MYO16: variants seen among roughly 807,000 people sequenced by gnomAD.
MYO16 encodes myosin XVI.
Under a neutral mutation model 205.3 loss-of-function variants are expected in MYO16, and 94 were observed. The observed-to-expected ratio is 0.46, with a 90% CI of 0.39 to 0.54. The LOEUF is 0.54. Among genes scored for constraint, MYO16 ranks in the 20% least tolerant of loss-of-function variants. The pLI is 0.00. For missense variants in MYO16, 2,315 were observed against 2,387.5 expected (o/e 0.97, Z 0.63); for synonymous variants, 988 against 954.0 (o/e 1.04, Z -0.66).
intron 32 of MYO16, among the ~76,000 whole-genome samples, chr13:109,156,909 C>G (rs1299808823): frequency 1.3e-5 from 2 of 152,208 alleles, no homozygotes; most frequent in Admixed American, 6.5e-5. Flanking sequence ...TTAAGTCTCT[C>G]CTAGCTGTTT....
At chr13:108,673,534 C>T (rs189789499) in intron 2 of MYO16, among the ~76,000 whole-genome samples, 243 of 152,156 alleles carry the variant, frequency 1.6e-3, no homozygotes, top group Non-Finnish European at 2.9e-3. Context: ...TCTAAGTAAT[C>T]TATTAGGAAA....
At chr13:108,633,917 C>T (rs1880102393) in intron 1 of MYO16, among the ~76,000 whole-genome samples, 1 of 152,178 alleles carries the variant, frequency 6.6e-6, no homozygotes, top group Non-Finnish European at 1.5e-5. Context: ...ATCCTGCTCT[C>T]CGCCTGGTCC....
chr13:108,951,112 G>A (rs190468219), intron 16 of MYO16, among the ~76,000 whole-genome samples: 2 of 151,830 alleles, frequency 1.3e-5, no homozygotes, highest in East Asian at 1.9e-4. Flanking sequence ...ATGATTACGC[G>A]TAATACTTTT....
chr13:108,871,356 G>GTC (rs1555307589), intron 12 of MYO16, among the ~76,000 whole-genome samples: 47 of 127,756 alleles, frequency 3.7e-4, no homozygotes, highest in African/African-American at 1.2e-3. Context: ...GTGTGTGTGT[G>GTC]TGTGTGTCTG....
At chr13:109,092,453 C>T (rs764511914) in intron 27 of MYO16, among the ~76,000 whole-genome samples, 4 of 152,108 alleles carry the variant, frequency 2.6e-5, no homozygotes, top group Admixed American at 6.6e-5. Context: ...AGCTGGAAGC[C>T]GTTATCCTTA....
chr13:108,823,800 T>A (rs1185780617), intron 9 of MYO16, among the ~76,000 whole-genome samples: 1 of 152,102 alleles, frequency 6.6e-6, no homozygotes, highest in Admixed American at 6.6e-5. Context: ...TACATTCAAA[T>A]TCATGTTAAA....
the MYO16 span, among the ~76,000 whole-genome samples, chr13:108,589,338 T>G: frequency 6.6e-6 from 1 of 152,200 alleles, no homozygotes; most frequent in Non-Finnish European, 1.5e-5. Context: ...ATATTACAAT[T>G]TAACTTCTCA....
At chr13:108,547,799 A>G in the MYO16 span, among the ~76,000 whole-genome samples, 1 of 152,194 alleles carries the variant, frequency 6.6e-6, no homozygotes, top group Non-Finnish European at 1.5e-5. Context: ...ATAGTATGTA[A>G]ATAAAGAAAA....
chr13:108,573,102 T>A, the MYO16 span, among the ~76,000 whole-genome samples: 1 of 152,256 alleles, frequency 6.6e-6, no homozygotes, highest in South Asian at 2.1e-4. Flanking sequence ...ATGCTTTTTG[T>A]CCCACCCACA....
At chr13:108,557,398 A>T in the MYO16 span, among the ~76,000 whole-genome samples, 2 of 152,204 alleles carry the variant, frequency 1.3e-5, no homozygotes, top group Non-Finnish European at 2.9e-5. Flanking sequence ...TAATACATTT[A>T]ACAGGGCATC....
At chr13:109,196,860 A>G (rs1057170684) in intron 34 of MYO16, among the ~76,000 whole-genome samples, 3 of 152,190 alleles carry the variant, frequency 2.0e-5, no homozygotes, top group African/African-American at 7.2e-5. Flanking sequence ...CTTTAAAAAT[A>G]AAAATTACAG....
At chr13:108,500,725 G>C in the MYO16 span, among the ~76,000 whole-genome samples, 1 of 152,144 alleles carries the variant, frequency 6.6e-6, no homozygotes, top group Non-Finnish European at 1.5e-5. Context: ...TAAGGGACCA[G>C]GCCCTAATTC....
At chr13:108,796,854 A>T (rs554323769) in intron 6 of MYO16, among the ~76,000 whole-genome samples, 1 of 151,692 alleles carries the variant, frequency 6.6e-6, no homozygotes, top group African/African-American at 2.4e-5. Flanking sequence ...CCAACATGGC[A>T]CATGTATATA....
chr13:108,902,842 G>T (rs1880775203), intron 15 of MYO16, among the ~76,000 whole-genome samples: 1 of 152,160 alleles, frequency 6.6e-6, no homozygotes, highest in Admixed American at 6.5e-5. Context: ...TGCTTTCTAT[G>T]GTTTCAGTTA....
At chr13:108,909,268 G>C (rs994397482) in intron 15 of MYO16, among the ~76,000 whole-genome samples, 1 of 145,504 alleles carries the variant, frequency 6.9e-6, no homozygotes, top group Non-Finnish European at 1.5e-5. Context: ...TTTATGCATT[G>C]GGTTATATTT....
chr13:108,858,105 G>C (rs1392912375), intron 11 of MYO16, among the ~76,000 whole-genome samples: 1 of 152,166 alleles, frequency 6.6e-6, no homozygotes, highest in Non-Finnish European at 1.5e-5. Context: ...CCAATGTGTT[G>C]TCTGTGGACT....
rs370351133 is a variant in MYO16 at position 108,920,792 on chromosome 13, G to A, written c.1925+10642G>A. ...CTGTCTCTTTAACATTGTTTATTCC[G>A]TATAAATAAGAGATATTTATTTTCG... On this transcript the variant is annotated intron_variant, in intron 16 of 34. Coordinates refer to ENST00000457511, the MANE Select transcript of MYO16 (RefSeq NM_001198950.3). Among the ~76,000 whole-genome samples, 546 of 152,278 alleles carry A rather than the reference G, an allele frequency of 3.6e-3. 3 individuals carry two copies. Among genetic ancestry groups the A allele is most frequent in the South Asian group, 0.029 (139 of 4,824 alleles).
chr13:109,182,298 T>C (rs546557716), intron 34 of MYO16, among the ~76,000 whole-genome samples: 8 of 152,176 alleles, frequency 5.3e-5, no homozygotes, highest in East Asian at 3.9e-4. Context: ...GACAAACACA[T>C]GTAAGATGGG....
At chr13:108,789,928 G>A (rs540791747) in intron 5 of MYO16, among the ~76,000 whole-genome samples, 1 of 152,262 alleles carries the variant, frequency 6.6e-6, no homozygotes, top group Admixed American at 6.5e-5. Context: ...AAAACACCAA[G>A]GAGGAAGGAT....
Sources: allele counts gnomAD v4.1 joint callset (sites outside exome capture counted in the v4.1 genomes callset), GRCh38; gene constraint gnomAD v4.1.1; transcripts MANE v1.5; gene names NCBI Gene and HGNC (gene_info 2026-07-23, HGNC 2026-07-21).